The following ROBO1 variants were observed in gnomAD, a reference collection of about 807,000 sequenced individuals.
ROBO1 encodes roundabout guidance receptor 1, also known as roundabout homolog 1.
ROBO1 carries 149 observed loss-of-function variants against 195.9 expected under a neutral mutation model. The observed-to-expected ratio is 0.76, with a 90% CI of 0.67 to 0.87. The LOEUF is 0.87. Ranked by LOEUF, ROBO1 falls within the 40% of genes least tolerant of loss-of-function variation. The pLI is 0.00. For synonymous variants in ROBO1, 816 were observed against 733.2 expected (o/e 1.11, Z -1.82); for missense variants, 1,933 against 2,068.3 (o/e 0.93, Z 1.27).
chr3:79,049,566 C>T (rs554546812), intron 3 of ROBO1, among the ~76,000 whole-genome samples: 3 of 151,978 alleles, frequency 2.0e-5, no homozygotes, highest in East Asian at 1.9e-4. Flanking sequence ...AGATACTCCT[C>T]GAGAAGAGCA....
intron 28 of ROBO1, 57 bp from the exon 29 acceptor site, chr3:78,607,098 A>G: frequency 6.7e-7 from 1 of 1,484,692 alleles, no homozygotes; most frequent in Admixed American, 2.1e-5. Context: ...AAAATCATCA[A>G]ACATTTGGAT....
At chr3:79,039,819 A>AAAAAAAAAAAAAAAAC (rs2078452083) in intron 3 of ROBO1, among the ~76,000 whole-genome samples, 1 of 150,516 alleles carries the variant, frequency 6.6e-6, no homozygotes, top group African/African-American at 2.4e-5. Context: ...AAAAAAAAAA[A>AAAAAAAAAAAAAAAAC]AGTTATGTCT....
At chr3:79,707,155 T>A (rs1273880491) in intron 1 of ROBO1, among the ~76,000 whole-genome samples, 1 of 152,178 alleles carries the variant, frequency 6.6e-6, no homozygotes, top group Non-Finnish European at 1.5e-5. Flanking sequence ...AAGTTATTTA[T>A]TATTGCTTTA....
chr3:79,496,394 T>TTTTTTTTTTTTTTTTTTG, intron 2 of ROBO1, among the ~76,000 whole-genome samples: 1 of 113,320 alleles, frequency 8.8e-6, no homozygotes, highest in Admixed American at 8.5e-5. Context: ...CATCTTTTTT[T>TTTTTTTTTTTTTTTTTTG]GAGACGGAGT....
intron 2 of ROBO1, among the ~76,000 whole-genome samples, chr3:79,409,188 T>C (rs192108168): frequency 2.8e-4 from 43 of 152,232 alleles, no homozygotes; most frequent in Admixed American, 8.5e-4. Flanking sequence ...AAATGCAATC[T>C]ATTTTGAAGT....
At position 79,259,063 on chromosome 3, in the gene ROBO1, G is replaced by A. The variant is rs534355235; in HGVS notation, c.89-133524C>T. Among the ~76,000 whole-genome samples, 416 of 151,916 alleles carry A rather than the reference G, an allele frequency of 2.7e-3. 3 individuals are homozygous for A. The highest frequency in any genetic ancestry group is 9.6e-3 in the African/African-American group (395 of 41,314). On this transcript the variant is annotated intron_variant, in intron 2 of 30. Coordinates refer to ENST00000464233, the MANE Select transcript of ROBO1 (RefSeq NM_002941.4). ...AACTTTAATATTCAAAGGACAATTT[G>A]CTCTAAAATTTCCTACTTTTTTTTC...
chr3:78,938,883 G>T lies in ROBO1; in HGVS notation c.217C>A (p.His73Asn). ...QEDFPPRIVE[H>N]PSDLIVSKGE... ...TTTGAGACAATCAGGTCTGAAGGGT[G>T]TTCAACAATGCGAGGTGGAAAATCT... Residue 73 changes from histidine to asparagine, a missense_variant, in exon 4 of 31, where the codon CAC (histidine) becomes AAC (asparagine). Physicochemically the swap from His to Asn is moderately conservative, Grantham distance 68 (BLOSUM62 1). Coordinates refer to ENST00000464233, the MANE Select transcript of ROBO1 (RefSeq NM_002941.4). 6.2e-7 allele frequency: 1 copy of T among 1,613,324 alleles called. No individual in the cohort carries two copies. The highest frequency in any genetic ancestry group is 8.5e-7 in the Non-Finnish European group (1 of 1,179,584).
At chr3:78,759,858 G>C (rs1456725698) in intron 4 of ROBO1, among the ~76,000 whole-genome samples, 2 of 152,084 alleles carry the variant, frequency 1.3e-5, no homozygotes, top group Non-Finnish European at 2.9e-5. Context: ...ATGCAAAAAT[G>C]AAAGGAGACA....
intron 1 of ROBO1, among the ~76,000 whole-genome samples, chr3:79,638,825 C>T (rs6548639): frequency 0.58 from 88,074 of 151,960 alleles, 25,847 homozygotes; most frequent in South Asian, 0.67. Flanking sequence ...TCAAACTTTT[C>T]CCTAACCTGA....
intron 3 of ROBO1, among the ~76,000 whole-genome samples, chr3:79,025,983 C>T (rs111491289): frequency 1.1e-3 from 171 of 152,224 alleles, no homozygotes; most frequent in African/African-American, 3.7e-3. Flanking sequence ...CGATTCTCTA[C>T]CTTTAACATC....
chr3:79,174,792 C>T (rs1576773549), intron 2 of ROBO1, among the ~76,000 whole-genome samples: 1 of 149,452 alleles, frequency 6.7e-6, no homozygotes, highest in Non-Finnish European at 1.5e-5. Flanking sequence ...GGAGGCGGAG[C>T]TTGCAGTGAA....
chr3:79,748,012 G>A (rs1412315290), intron 1 of ROBO1, among the ~76,000 whole-genome samples: 1 of 151,544 alleles, frequency 6.6e-6, no homozygotes, highest in Non-Finnish European at 1.5e-5. Flanking sequence ...ATTTCTATTT[G>A]CTCATAAAAA....
intron 2 of ROBO1, among the ~76,000 whole-genome samples, chr3:79,162,221 C>G (rs149585465): frequency 6.6e-6 from 1 of 152,122 alleles, no homozygotes; most frequent in African/African-American, 2.4e-5. Flanking sequence ...TGAGATGCCA[C>G]ACAGGATCCC....
Position 78,639,628 on chromosome 3 carries a change from T to C in ROBO1, c.3037+116A>G, listed in dbSNP as rs184961377. 392 of 993,018 alleles carry C rather than the reference T, an allele frequency of 3.9e-4. 2 individuals are homozygous for C. In the African/African-American group the frequency reaches 5.3e-3, roughly 13 times the overall value. 61.5% of individuals were successfully genotyped at this position (993,018 alleles called of 1,614,324 possible). A position where few individuals can be genotyped will look rare whatever the true frequency, so the allele number is the denominator to read the frequency against. ...CTATTTTGCTAAACAATAGTCAGCA[T>C]TGGATAAAATACGGGTCAAATTTTA... On this transcript the variant is annotated intron_variant, in intron 22 of 30. Transcript: ENST00000464233.
At chr3:78,704,035 T>C (rs565721745) in intron 8 of ROBO1, among the ~76,000 whole-genome samples, 49 of 152,208 alleles carry the variant, frequency 3.2e-4, no homozygotes, top group African/African-American at 1.1e-3. Flanking sequence ...GGTCTCATAA[T>C]ATGTGTTTCA....
intron 1 of ROBO1, among the ~76,000 whole-genome samples, chr3:79,613,286 ATAT>A (rs905386496): frequency 2.2e-4 from 34 of 152,182 alleles, no homozygotes; most frequent in African/African-American, 7.0e-4. Flanking sequence ...ATACATTTCT[ATAT>A]TATTATGCAT....
chr3:79,687,271 AAAACCT>A (rs140600515), intron 1 of ROBO1, among the ~76,000 whole-genome samples: 85,385 of 150,744 alleles, frequency 0.57, 24,306 homozygotes, highest in South Asian at 0.67. Flanking sequence ...ACCCTAGAAG[AAAACCT>A]AAACCTAAGC....
At chr3:78,672,469 G>A (rs1708120147) in intron 10 of ROBO1, among the ~76,000 whole-genome samples, 1 of 151,824 alleles carries the variant, frequency 6.6e-6, no homozygotes, top group Admixed American at 6.6e-5. Flanking sequence ...GTGTGCACCT[G>A]TAGTCCCAGC....
At chr3:79,493,635 GATAA>G (rs566620657) in intron 2 of ROBO1, among the ~76,000 whole-genome samples, 2 of 151,720 alleles carry the variant, frequency 1.3e-5, no homozygotes, top group Non-Finnish European at 2.9e-5. Context: ...TTATTAATTT[GATAA>G]ATAATTTAAA....
Sources: allele counts gnomAD v4.1 joint callset (sites outside exome capture counted in the v4.1 genomes callset), GRCh38; gene constraint gnomAD v4.1.1; transcripts MANE v1.5; gene names NCBI Gene and HGNC (gene_info 2026-07-23, HGNC 2026-07-21).